The following SUPT3H variants were observed in gnomAD, a reference collection of about 807,000 sequenced individuals.
SUPT3H encodes transcription initiation protein SPT3 homolog.
SUPT3H carries 44 observed loss-of-function variants against 44.3 expected under a neutral mutation model. That is an observed-to-expected ratio of 0.99 (90% CI 0.78 to 1.28). The LOEUF (loss-of-function observed/expected upper bound fraction) is 1.28, where lower values mean the gene tolerates loss of function less well. SUPT3H is among the 50% of genes most tolerant of loss of function. The probability of loss-of-function intolerance (pLI) is 0.00; values close to 1 mark genes in which losing one functional copy is unlikely to be tolerated. For synonymous variants in SUPT3H, 124 were observed against 125.6 expected, an observed-to-expected ratio of 0.99 and a Z score of 0.09; for missense variants, 380 against 387.1, an observed-to-expected ratio of 0.98 and a Z score of 0.15.
intron 2 of SUPT3H, among the ~76,000 whole-genome samples, chr6:45,336,423 G>A (rs1788566556): frequency 6.6e-6 from 1 of 151,366 alleles, no homozygotes; most frequent in African/African-American, 2.4e-5. Context: ...TACCCAGGAA[G>A]AAAATTTAGA....
At chr6:45,133,494 G>C (rs1469750215) in intron 2 of SUPT3H, among the ~76,000 whole-genome samples, 1 of 152,092 alleles carries the variant, frequency 6.6e-6, no homozygotes, top group Non-Finnish European at 1.5e-5. Flanking sequence ...ATCCAGTCCT[G>C]CTTGATGGGA....
At chr6:45,284,892 C>T (rs1336212303) in intron 2 of SUPT3H, among the ~76,000 whole-genome samples, 1 of 152,164 alleles carries the variant, frequency 6.6e-6, no homozygotes, top group African/African-American at 2.4e-5. Context: ...AGCTTATCCA[C>T]CATGATCAAG....
chr6:44,948,190 T>C (rs1310530605), intron 9 of SUPT3H, among the ~76,000 whole-genome samples: 3 of 152,168 alleles, frequency 2.0e-5, no homozygotes, highest in African/African-American at 7.2e-5. Context: ...CCATTCTGTT[T>C]TGGTTACTGA....
chr6:45,026,715 CTTGTT>C (rs1469603460), intron 3 of SUPT3H, among the ~76,000 whole-genome samples: 1 of 151,868 alleles, frequency 6.6e-6, no homozygotes, highest in East Asian at 1.9e-4. Context: ...GCTTATAATA[CTTGTT>C]TTATTTTTCA....
chr6:45,179,577 C>A (rs533538768), intron 2 of SUPT3H, among the ~76,000 whole-genome samples: 2 of 152,120 alleles, frequency 1.3e-5, no homozygotes, highest in African/African-American at 4.8e-5. Context: ...GTTCAATATA[C>A]GCAAATCAAT....
intron 10 of SUPT3H, among the ~76,000 whole-genome samples, chr6:44,896,102 G>A (rs1440110246): frequency 6.6e-6 from 1 of 152,028 alleles, no homozygotes; most frequent in African/African-American, 2.4e-5. Context: ...GGGAGAGTGT[G>A]ATTAGGGGTC....
intron 5 of SUPT3H, among the ~76,000 whole-genome samples, chr6:45,007,091 C>T (rs1292359006): frequency 6.6e-6 from 1 of 152,092 alleles, no homozygotes; most frequent in Non-Finnish European, 1.5e-5. Flanking sequence ...ATTGCAGTCC[C>T]TTCCTCTCAT....
chr6:45,153,097 C>T (rs1285026), intron 2 of SUPT3H, among the ~76,000 whole-genome samples: 96,596 of 152,032 alleles, frequency 0.64, 31,299 homozygotes, highest in African/African-American at 0.77. Context: ...TCAAATATCA[C>T]CTTTCAGATT....
At chr6:45,373,564 G>GT (rs1206991270) in intron 1 of SUPT3H, among the ~76,000 whole-genome samples, 1 of 151,522 alleles carries the variant, frequency 6.6e-6, no homozygotes, top group African/African-American at 2.4e-5. Flanking sequence ...TGTGTGTGTG[G>GT]TTTTTGAGAC....
At chr6:45,112,298 C>T (rs569374774) in intron 2 of SUPT3H, among the ~76,000 whole-genome samples, 73 of 149,394 alleles carry the variant, frequency 4.9e-4, no homozygotes, top group Non-Finnish European at 6.2e-4. Context: ...AGTAACAGAA[C>T]GAAATAAATA....
intron 2 of SUPT3H, among the ~76,000 whole-genome samples, chr6:45,198,908 T>C (rs770451144): frequency 9.3e-5 from 14 of 151,314 alleles, no homozygotes; most frequent in Non-Finnish European, 2.1e-4. Flanking sequence ...TAATTAAGGA[T>C]ATAGAAAAAT....
intron 2 of SUPT3H, among the ~76,000 whole-genome samples, chr6:45,308,235 G>C (rs1346339084): frequency 6.6e-6 from 1 of 152,076 alleles, no homozygotes; most frequent in East Asian, 1.9e-4. Flanking sequence ...GCAAAATCAG[G>C]AAATACAGAG....
At chr6:45,202,681 C>G (rs1420776350) in intron 2 of SUPT3H, among the ~76,000 whole-genome samples, 1 of 151,984 alleles carries the variant, frequency 6.6e-6, no homozygotes, top group African/African-American at 2.4e-5. Flanking sequence ...TTTGAAATAT[C>G]ATTGTCATTC....
intron 3 of SUPT3H, among the ~76,000 whole-genome samples, chr6:45,061,725 C>T (rs548627527): frequency 0.07 from 730 of 10,430 alleles, 5 homozygotes; most frequent in African/African-American, 0.34. Flanking sequence ...GTTCTAAAAT[C>T]CATTATGACT....
At chr6:45,247,915 C>T (rs574814379) in intron 2 of SUPT3H, among the ~76,000 whole-genome samples, 7 of 151,908 alleles carry the variant, frequency 4.6e-5, no homozygotes, top group African/African-American at 1.7e-4. Flanking sequence ...AGAAATAAAC[C>T]CAAAGAAATA....
chr6:44,990,984 T>C (rs970619314), intron 6 of SUPT3H, among the ~76,000 whole-genome samples: 2 of 152,032 alleles, frequency 1.3e-5, no homozygotes, highest in Non-Finnish European at 2.9e-5. Flanking sequence ...AAGTTTGTTT[T>C]CCTAAAGGTG....
intron 6 of SUPT3H, among the ~76,000 whole-genome samples, chr6:44,986,311 C>T (rs1779784254): frequency 6.6e-6 from 1 of 152,038 alleles, no homozygotes; most frequent in Admixed American, 6.6e-5. Flanking sequence ...CTTCAGTGTC[C>T]CCAACTATAA....
At chr6:44,961,681 T>C in intron 7 of SUPT3H, 72 bp downstream of exon 7, 1 of 1,201,768 alleles carries the variant, frequency 8.3e-7, no homozygotes. Flanking sequence ...AAACAGATCC[T>C]GTCATACTTT....
intron 10 of SUPT3H, among the ~76,000 whole-genome samples, chr6:44,900,988 A>C (rs1290321325): frequency 6.6e-6 from 1 of 152,216 alleles, no homozygotes; most frequent in Non-Finnish European, 1.5e-5. Flanking sequence ...AAACTAACAA[A>C]CAGAAGGAAC....
Sources: allele counts gnomAD v4.1 joint callset (sites outside exome capture counted in the v4.1 genomes callset), GRCh38; gene constraint gnomAD v4.1.1; transcripts MANE v1.5; gene names NCBI Gene and HGNC (gene_info 2026-07-23, HGNC 2026-07-21).